Variants in NCKAP5 observed in about 807,000 individuals in gnomAD.
NCKAP5 encodes NCK associated protein 5, also known as nck-associated protein 5.
Under a neutral mutation model 167.0 loss-of-function variants are expected in NCKAP5, and 92 were observed. That is an observed-to-expected ratio of 0.55 (90% CI 0.47 to 0.66). The LOEUF is 0.66. NCKAP5 is among the 30% of genes least tolerant of loss of function. The pLI, the probability that NCKAP5 is intolerant of heterozygous loss-of-function variation, is 0.00. For missense variants in NCKAP5, 2,378 were observed against 2,315.0 expected, an observed-to-expected ratio of 1.03 and a Z score of -0.56; for synonymous variants, 891 against 877.4, an observed-to-expected ratio of 1.02 and a Z score of -0.27.
At chr2:133,358,725 T>C (rs1207484839) in intron 3 of NCKAP5, among the ~76,000 whole-genome samples, 3 of 152,224 alleles carry the variant, frequency 2.0e-5, no homozygotes, top group Non-Finnish European at 4.4e-5. Flanking sequence ...AAACTACTAA[T>C]ATTCTTCAGA....
intron 11 of NCKAP5, among the ~76,000 whole-genome samples, chr2:132,816,028 G>A (rs1686242089): frequency 6.6e-6 from 1 of 152,084 alleles, no homozygotes; most frequent in Non-Finnish European, 1.5e-5. Context: ...TTAAATCCTG[G>A]CTTTGTGTGA....
the NCKAP5 span, among the ~76,000 whole-genome samples, chr2:133,652,533 T>C: frequency 1.3e-5 from 2 of 152,190 alleles, no homozygotes; most frequent in South Asian, 2.1e-4. Context: ...CAGCCAGAAA[T>C]GGTTTCTTCA....
rs1474406702 is a variant in NCKAP5 at position 132,782,235 on chromosome 2, C to A, written c.4576G>T (p.Asp1526Tyr). The stretch of plus-strand genomic sequence containing the variant: ...TTTTCTACTTTGGTTTTGGAGATGT[C>A]CATTTTCCTGCTACTCAGAGCTGGA... ...RLPALSSRKM[D>Y]ISKTKVEKKD... The change falls in exon 14 of 20, where the codon GAC becomes TAC. Residue 1526 changes from aspartate to tyrosine, a missense_variant. Asp to Tyr is a radical substitution (Grantham distance 160). Coordinates refer to ENST00000409261, the MANE Select transcript of NCKAP5 (RefSeq NM_207363.3). 6.2e-7 allele frequency: 1 copy of A among 1,613,964 alleles called. No homozygotes were observed.
At chr2:133,173,144 C>T (rs994732047) in intron 5 of NCKAP5, among the ~76,000 whole-genome samples, 2 of 152,048 alleles carry the variant, frequency 1.3e-5, no homozygotes, top group African/African-American at 2.4e-5. Context: ...GTGCCTGTCT[C>T]CTCATTCCCA....
At chr2:132,726,896 T>C (rs1409531640) in intron 18 of NCKAP5, among the ~76,000 whole-genome samples, 2 of 152,226 alleles carry the variant, frequency 1.3e-5, no homozygotes, top group African/African-American at 4.8e-5. Context: ...CTACTGACTG[T>C]AGTTCTGGGT....
At chr2:132,795,830 A>C (rs554247258) in intron 12 of NCKAP5, among the ~76,000 whole-genome samples, 118 of 150,172 alleles carry the variant, frequency 7.9e-4, no homozygotes, top group African/African-American at 1.3e-3. Flanking sequence ...GAAAAAAAAA[A>C]AAAAAAAACA....
intron 18 of NCKAP5, 147 bp from the exon 19 acceptor site, chr2:132,725,906 G>C (rs909259746): frequency 4.8e-6 from 4 of 839,374 alleles, no homozygotes; most frequent in Non-Finnish European, 7.2e-6. Context: ...GCTCACCCGA[G>C]AGCAACTCTG....
At chr2:133,122,173 T>C (rs1486614648) in intron 6 of NCKAP5, 2 of 152,194 alleles carry the variant, frequency 1.3e-5, no homozygotes, top group Non-Finnish European at 2.9e-5. Context: ...GGGTCAATGA[T>C]TGTCCAAACT....
chr2:132,753,511 C>G (rs1680285211), intron 16 of NCKAP5, among the ~76,000 whole-genome samples: 1 of 152,170 alleles, frequency 6.6e-6, no homozygotes, highest in Admixed American at 6.5e-5. Context: ...AGTAGCTTGT[C>G]TAGGGTCATA....
intron 15 of NCKAP5, among the ~76,000 whole-genome samples, chr2:132,777,100 C>G (rs1234153580): frequency 6.6e-6 from 1 of 152,208 alleles, no homozygotes; most frequent in South Asian, 2.1e-4. Context: ...GACTCACAAG[C>G]AACAACCATG....
At chr2:133,279,114 C>T (rs2089847631) in intron 4 of NCKAP5, among the ~76,000 whole-genome samples, 1 of 151,740 alleles carries the variant, frequency 6.6e-6, no homozygotes, top group Non-Finnish European at 1.5e-5. Flanking sequence ...ATAAGCAAAA[C>T]TCTATTTTCA....
chr2:133,036,906 A>G (rs1449298643), intron 6 of NCKAP5, among the ~76,000 whole-genome samples: 1 of 152,100 alleles, frequency 6.6e-6, no homozygotes, highest in Non-Finnish European at 1.5e-5. Context: ...ATATGATCTT[A>G]TATTTGGTAA....
In NCKAP5 at chr2:133,376,407, G is replaced by T. The variant is rs757072192; in HGVS notation, c.70-73297C>A. 2.6e-5 allele frequency among the ~76,000 whole-genome samples: 4 copies of T among 152,054 alleles called. No homozygotes were observed. The South Asian group carries it at 8.3e-4, about 32-fold the overall frequency. On this transcript the variant is annotated intron_variant, in intron 3 of 19. Coordinates refer to ENST00000409261, the MANE Select transcript of NCKAP5 (RefSeq NM_207363.3). Reference sequence around the variant, plus strand: ...CATCCTCGACTCCTCCTTCTCCCCCGTTTGCCCGAGTCCTCATGCCACCAA... The same window carrying T: ...CATCCTCGACTCCTCCTTCTCCCCCTTTTGCCCGAGTCCTCATGCCACCAA...
At chr2:133,499,749 G>C (rs558761582) in intron 3 of NCKAP5, among the ~76,000 whole-genome samples, 1 of 152,010 alleles carries the variant, frequency 6.6e-6, no homozygotes, top group Admixed American at 6.6e-5. Flanking sequence ...TAGTAGAGAC[G>C]GGGTTTCACC....
chr2:133,449,272 T>C (rs1480777418), intron 3 of NCKAP5, among the ~76,000 whole-genome samples: 1 of 152,224 alleles, frequency 6.6e-6, no homozygotes, highest in Non-Finnish European at 1.5e-5. Flanking sequence ...TCTCATGTTA[T>C]GTATATTAGA....
intron 3 of NCKAP5, among the ~76,000 whole-genome samples, chr2:133,472,779 C>T (rs889452464): frequency 1.1e-4 from 16 of 152,286 alleles, no homozygotes; most frequent in African/African-American, 3.8e-4. Flanking sequence ...CACCCCTATC[C>T]ACCAGATCTG....
intron 19 of NCKAP5, among the ~76,000 whole-genome samples, chr2:132,682,412 G>C (rs1685351000): frequency 6.6e-6 from 1 of 152,104 alleles, no homozygotes; most frequent in Non-Finnish European, 1.5e-5. Flanking sequence ...CACATCCTTT[G>C]TTTATTCTTT....
chr2:133,477,399 C>G (rs1162445275), intron 3 of NCKAP5, among the ~76,000 whole-genome samples: 1 of 152,220 alleles, frequency 6.6e-6, no homozygotes, highest in African/African-American at 2.4e-5. Flanking sequence ...TCTGCTCTAT[C>G]TGCTCCAGGA....
intron 1 of NCKAP5, among the ~76,000 whole-genome samples, chr2:133,567,223 C>A (rs1433724470): frequency 6.6e-6 from 1 of 152,220 alleles, no homozygotes; most frequent in Non-Finnish European, 1.5e-5. Flanking sequence ...AGAGGCTGAA[C>A]TGCAGGCACT....
Sources: allele counts gnomAD v4.1 joint callset (sites outside exome capture counted in the v4.1 genomes callset), GRCh38; gene constraint gnomAD v4.1.1; transcripts MANE v1.5; gene names NCBI Gene and HGNC (gene_info 2026-07-23, HGNC 2026-07-21).